SYT3: variants seen among roughly 807,000 people sequenced by gnomAD.
The protein encoded by SYT3 is synaptotagmin-3.
In SYT3, 25 loss-of-function variants were observed where a neutral mutation model predicts 50.6. The observed-to-expected ratio is 0.49, with a 90% CI of 0.36 to 0.69. The LOEUF (loss-of-function observed/expected upper bound fraction) is 0.69, where lower values mean the gene tolerates loss of function less well. Ranked by LOEUF, SYT3 falls within the 30% of genes least tolerant of loss-of-function variation. The pLI, the probability that SYT3 is intolerant of heterozygous loss-of-function variation, is 0.00. For missense variants in SYT3, 589 were observed against 793.6 expected (o/e 0.74, Z 3.10); for synonymous variants, 323 against 353.9 (o/e 0.91, Z 0.98).
Position 50,629,778 on chromosome 19 carries a change from C to A in SYT3, c.1062+6G>T. The A allele has an allele frequency of 6.2e-7, 1 of 1,609,866 alleles. No homozygotes were observed. ...GGAACCCGGTGTCCAGCCCGCTGCT[C>A]CGGACCTTGGTCTGAAACTTTTTCT... is the stretch of plus-strand genomic sequence containing the variant. On this transcript the variant is annotated splice_donor_region_variant and intron_variant, in intron 5 of 10. Transcript: ENST00000600079.
chr19:50,656,052 G>C, the SYT3 span: 4 of 1,535,992 alleles, frequency 2.6e-6, no homozygotes, highest in Admixed American at 3.9e-5. Flanking sequence ...GTCCTCAGGA[G>C]CCCTCCTTAT....
At chr19:50,647,082 G>A in the SYT3 span, among the ~76,000 whole-genome samples, 1 of 152,004 alleles carries the variant, frequency 6.6e-6, no homozygotes, top group African/African-American at 2.4e-5. Flanking sequence ...CGCCCGTCTC[G>A]GCCTCCCAAA....
At chr19:50,636,679 G>T (rs2123021263) in intron 3 of SYT3, among the ~76,000 whole-genome samples, 1 of 152,300 alleles carries the variant, frequency 6.6e-6, no homozygotes, top group East Asian at 1.9e-4. Flanking sequence ...AGTTTCCTCT[G>T]TTGAAAATGG....
upstream of SYT3, among the ~76,000 whole-genome samples, chr19:50,642,506 C>T (rs1391317477): frequency 2.6e-5 from 4 of 152,212 alleles, no homozygotes; most frequent in Non-Finnish European, 4.4e-5. Context: ...GCCTCAGTTT[C>T]CCTCTCTGTA....
In SYT3 at chr19:50,627,397, G is replaced by A. The variant is rs558935801; in HGVS notation, c.1282-1380C>T. Among the ~76,000 whole-genome samples the A allele has an allele frequency of 3.3e-5, 5 of 152,224 alleles. No individual in the cohort carries two copies. The East Asian group carries it at 9.7e-4, about 29-fold the overall frequency. The stretch of plus-strand genomic sequence containing the variant: ...GCCGAGGGCTGCCTGGGGTCCCCAG[G>A]CCCTGCTCCTGAAAAAAACAGTGGT... On this transcript the variant is annotated intron_variant, in intron 6 of 10. Transcript: ENST00000600079.
upstream of SYT3, among the ~76,000 whole-genome samples, chr19:50,644,277 C>T (rs1265738204): frequency 2.0e-5 from 3 of 151,488 alleles, no homozygotes; most frequent in African/African-American, 4.9e-5. Flanking sequence ...AAGGGATGGA[C>T]AGATAGGTGG....
chr19:50,647,121 C>T, the SYT3 span, among the ~76,000 whole-genome samples: 5 of 152,026 alleles, frequency 3.3e-5, no homozygotes, highest in East Asian at 3.9e-4. Context: ...TGAGCCACCG[C>T]GCCTGGCTGC....
Position 50,625,010 on chromosome 19 carries a change from C to A in SYT3, c.1707+152G>T. On this transcript the variant is annotated intron_variant, in intron 9 of 10. Coordinates refer to ENST00000600079, the MANE Select transcript of SYT3 (RefSeq NM_001160329.2). This position sits in a 1 kb window ranked among gnomAD's most constrained non-coding sequence, Gnocchi z 7.5. ...GCACAGAGCGCTTGGGTAACTGGCT[C>A]TAAGCCGCACAGCTAAAGTTGGCAC... is the stretch of plus-strand genomic sequence containing the variant. 2 of 802,512 alleles carry A rather than the reference C, an allele frequency of 2.5e-6. No individual in the cohort carries two copies. The highest frequency in any genetic ancestry group is 1.7e-6 in the Non-Finnish European group (1 of 577,706). The allele number at this position is 802,512 out of a possible 1,614,324, so 49.7% of individuals were successfully genotyped here.
the SYT3 span, among the ~76,000 whole-genome samples, chr19:50,652,516 A>G: frequency 1.2e-3 from 176 of 152,298 alleles, 1 homozygote; most frequent in African/African-American, 2.2e-3. Flanking sequence ...GGGAAGAGAG[A>G]TCCACGCAGA....
upstream of SYT3, among the ~76,000 whole-genome samples, chr19:50,643,248 G>A (rs1389935605): frequency 1.3e-5 from 2 of 152,068 alleles, no homozygotes; most frequent in Non-Finnish European, 2.9e-5. Flanking sequence ...GCACACACCT[G>A]TAGTCCCACC....
In SYT3 at chr19:50,630,245, A is replaced by G. The variant is rs541791907; in HGVS notation, c.675-74T>C. Reference sequence around the variant, plus strand: ...TCGACTGCATGCAGAGACCTGGGAGACTCCTCCCTGCCTTTCCCCCCATCC... The same window carrying G: ...TCGACTGCATGCAGAGACCTGGGAGGCTCCTCCCTGCCTTTCCCCCCATCC... On this transcript the variant is annotated intron_variant, in intron 4 of 10. Coordinates refer to ENST00000600079, the MANE Select transcript of SYT3 (RefSeq NM_001160329.2). 348 of 1,369,904 alleles carry G rather than the reference A, an allele frequency of 2.5e-4. 2 individuals are homozygous for G. The African/African-American group carries it at 3.7e-3, about 14-fold the overall frequency. 84.9% of individuals were successfully genotyped at this position (1,369,904 alleles called of 1,614,324 possible).
At chr19:50,627,726 CAAA>C (rs36099001) in intron 6 of SYT3, among the ~76,000 whole-genome samples, 17 of 96,342 alleles carry the variant, frequency 1.8e-4, no homozygotes, top group Admixed American at 3.0e-4. Flanking sequence ...GACTCTGTCT[CAAA>C]AAAAAAAAAA....
In SYT3 at chr19:50,629,489, G is replaced by C. The variant is rs61746970; in HGVS notation, c.1086C>G (p.Pro362=). 11 of 1,613,448 alleles carry C rather than the reference G, an allele frequency of 6.8e-6. No homozygotes were observed. The highest frequency in any genetic ancestry group is 1.7e-4 in the Middle Eastern group (1 of 6,060). Residue 362 remains proline, a synonymous_variant, in exon 6 of 11, where the codon CCC becomes CCG. Coordinates refer to ENST00000600079, the MANE Select transcript of SYT3 (RefSeq NM_001160329.2). ...AGAATTGAAACGTCTCATTGAAGACGGGGTTCAGGGTCTTCCTGTGCACCT... is the reference window on the plus strand; with the variant it reads ...AGAATTGAAACGTCTCATTGAAGACCGGGTTCAGGGTCTTCCTGTGCACCT... ...QTKVHRKTLN[P]VFNETFQFSV...
the SYT3 span, among the ~76,000 whole-genome samples, chr19:50,647,541 G>T: frequency 6.6e-6 from 1 of 152,076 alleles, no homozygotes; most frequent in African/African-American, 2.4e-5. Context: ...ATAGCTGGGC[G>T]TAGTGGTGTG....
chr19:50,655,953 T>C, the SYT3 span: 2 of 1,151,992 alleles, frequency 1.7e-6, no homozygotes, highest in Non-Finnish European at 2.5e-6. Context: ...CAAGCTATTC[T>C]GGGTGTGGCA....
At chr19:50,646,212 C>T in the SYT3 span, among the ~76,000 whole-genome samples, 19,654 of 152,078 alleles carry the variant, frequency 0.13, 1,737 homozygotes, top group African/African-American at 0.23. Context: ...ACTTAAGCAC[C>T]AACAGCCCTT....
chr19:50,647,863 A>T, the SYT3 span, among the ~76,000 whole-genome samples: 1 of 152,126 alleles, frequency 6.6e-6, no homozygotes, highest in African/African-American at 2.4e-5. Context: ...CGCTGAGATA[A>T]AATTGCCAGC....
chr19:50,646,038 A>G, the SYT3 span, among the ~76,000 whole-genome samples: 3 of 152,180 alleles, frequency 2.0e-5, no homozygotes, highest in Middle Eastern at 3.2e-3. Flanking sequence ...TCCCAGAGGG[A>G]AGAAGAGAGA....
At chr19:50,648,274 T>G in the SYT3 span, among the ~76,000 whole-genome samples, 1 of 152,020 alleles carries the variant, frequency 6.6e-6, no homozygotes, top group African/African-American at 2.4e-5. Flanking sequence ...AGGTTGACTT[T>G]GTAGCCTAGA....
Sources: gnomAD v4.1 joint callset for allele counts (sites outside exome capture counted in the v4.1 genomes callset) on GRCh38, gnomAD v4.1.1 for gene constraint, Gnocchi (gnomAD v3.1) non-coding constraint, MANE v1.5 for transcripts, NCBI Gene and HGNC (gene_info 2026-07-23, HGNC 2026-07-21) for gene names.